Variants in TAOK3 observed in about 807,000 individuals in gnomAD.
The protein encoded by TAOK3 is TAO kinase 3.
In TAOK3, 40 loss-of-function variants were observed where a neutral mutation model predicts 120.4. The ratio of observed to expected loss-of-function variants is 0.33; its 90% CI spans 0.26 to 0.43. TAOK3 has a LOEUF of 0.43. Ranked by LOEUF, TAOK3 falls within the 20% of genes least tolerant of loss-of-function variation. The pLI, the probability that TAOK3 is intolerant of heterozygous loss-of-function variation, is 1.00. For synonymous variants in TAOK3, 355 were observed against 387.5 expected (o/e 0.92, Z 0.99); for missense variants, 821 against 1,112.1 (o/e 0.74, Z 3.72).
chr12:118,165,806 C>T (rs1323137802), intron 17 of TAOK3, among the ~76,000 whole-genome samples: 1 of 152,212 alleles, frequency 6.6e-6, no homozygotes, highest in Admixed American at 6.5e-5. Flanking sequence ...GAAGGGAATA[C>T]ATGGCATATA....
At chr12:118,334,411 A>G (rs543949802) in intron 1 of TAOK3, among the ~76,000 whole-genome samples, 1 of 152,204 alleles carries the variant, frequency 6.6e-6, no homozygotes, top group Non-Finnish European at 1.5e-5. Context: ...TAAGCTATCT[A>G]AAATAATCTA....
At chr12:118,235,785 C>T in intron 7 of TAOK3, 114 bp from the exon 8 acceptor site, 1 of 672,736 alleles carries the variant, frequency 1.5e-6, no homozygotes, top group South Asian at 2.0e-5. Flanking sequence ...AACAAACAAA[C>T]AAAACAAACC....
At chr12:118,278,670 T>C (rs1219413069) in intron 1 of TAOK3, among the ~76,000 whole-genome samples, 1 of 152,174 alleles carries the variant, frequency 6.6e-6, no homozygotes, top group Non-Finnish European at 1.5e-5. Context: ...AGTAATGGGA[T>C]TGCTAAGTCA....
intron 2 of TAOK3, among the ~76,000 whole-genome samples, chr12:118,260,972 C>T (rs192658251): frequency 1.9e-4 from 29 of 152,334 alleles, no homozygotes; most frequent in African/African-American, 6.7e-4. Context: ...TGAGCCACCA[C>T]ACCTGGCCCT....
At chr12:118,274,534 T>A (rs1458544360) in intron 1 of TAOK3, among the ~76,000 whole-genome samples, 1 of 152,202 alleles carries the variant, frequency 6.6e-6, no homozygotes, top group South Asian at 2.1e-4. Context: ...TGATTTCTTA[T>A]GGAGTATTAT....
intron 2 of TAOK3, among the ~76,000 whole-genome samples, chr12:118,256,246 T>C (rs1389073739): frequency 2.6e-5 from 4 of 152,162 alleles, no homozygotes; most frequent in Non-Finnish European, 5.9e-5. Flanking sequence ...ACTAGGATAG[T>C]GATAGTCAAA....
chr12:118,289,715 C>T (rs2042401899), intron 1 of TAOK3, among the ~76,000 whole-genome samples: 1 of 152,116 alleles, frequency 6.6e-6, no homozygotes, highest in Non-Finnish European at 1.5e-5. Flanking sequence ...ATGAACCTGG[C>T]CAGGCGTGGT....
At chr12:118,176,974 C>T (rs2036380398) in intron 16 of TAOK3, among the ~76,000 whole-genome samples, 1 of 152,042 alleles carries the variant, frequency 6.6e-6, no homozygotes, top group Non-Finnish European at 1.5e-5. Flanking sequence ...ACCATGTTGG[C>T]CAGGCTGGTC....
intron 1 of TAOK3, among the ~76,000 whole-genome samples, chr12:118,323,828 G>T (rs1319455020): frequency 6.6e-6 from 1 of 152,152 alleles, no homozygotes; most frequent in Admixed American, 6.6e-5. Context: ...CAGGGATCTT[G>T]TAGGGAGGTC....
chr12:118,166,355 G>A (rs1383262176), intron 17 of TAOK3, among the ~76,000 whole-genome samples: 3 of 151,940 alleles, frequency 2.0e-5, no homozygotes, highest in African/African-American at 7.3e-5. Context: ...CCTGGCCAAC[G>A]TGGTTAAACC....
At chr12:118,189,703 T>C in intron 14 of TAOK3, 104 bp downstream of exon 14, 6 of 1,396,660 alleles carry the variant, frequency 4.3e-6, no homozygotes, top group Non-Finnish European at 5.9e-6. Context: ...TCTTGACTCC[T>C]TTCCTCCCAT....
chr12:118,229,092 TCTTTTTTTTC>T (rs1257099803), intron 9 of TAOK3, among the ~76,000 whole-genome samples: 1 of 151,848 alleles, frequency 6.6e-6, no homozygotes, highest in Admixed American at 6.6e-5. Context: ...TTTGGCTTTT[TCTTTTTTTTC>T]CTTTTTTTTT....
Position 118,160,251 on chromosome 12 carries a change from C to A in TAOK3, c.2247G>T (p.Glu749Asp), listed in dbSNP as rs148661122. The part of the protein sequence containing the change: ...NHQLEVTPKN[E>D]HKTILKTLKD... ...TCAGTGTCTTTAAGATTGTTTTGTG[C>A]TCATTCTTTGGAGTAACTTCCAACT... Residue 749 changes from glutamate (E) to aspartate (D), a missense_variant, in exon 19 of 21, where the codon GAG becomes GAT. Physicochemically the swap from Glu to Asp is conservative, Grantham distance 45. Coordinates refer to ENST00000392533, the MANE Select transcript of TAOK3 (RefSeq NM_016281.4). The surrounding 1 kb of genome is among the most constrained non-coding windows in gnomAD (Gnocchi z 4.2). 8.7e-5 allele frequency: 140 copies of A among 1,614,150 alleles called. No homozygotes were observed. In the African/African-American group the frequency reaches 1.6e-3, roughly 19 times the overall value.
intron 14 of TAOK3, among the ~76,000 whole-genome samples, chr12:118,182,750 G>A (rs1237999435): frequency 6.7e-6 from 1 of 150,076 alleles, no homozygotes; most frequent in Non-Finnish European, 1.5e-5. Flanking sequence ...CTTAAATCAT[G>A]TCTCCCCCAT....
chr12:118,245,040 G>A, intron 3 of TAOK3, 75 bp from the exon 4 acceptor site: 1 of 963,562 alleles, frequency 1.0e-6, no homozygotes, highest in South Asian at 1.4e-5. Context: ...TATTTGACTA[G>A]AGACTATTTA....
chr12:118,298,025 C>CT (rs1214278728), intron 1 of TAOK3, among the ~76,000 whole-genome samples: 1 of 152,208 alleles, frequency 6.6e-6, no homozygotes, highest in Non-Finnish European at 1.5e-5. Flanking sequence ...AGTGATCCTT[C>CT]TGTCTTGGCC....
intron 2 of TAOK3, among the ~76,000 whole-genome samples, chr12:118,264,168 T>C (rs975661570): frequency 2.0e-5 from 3 of 152,220 alleles, no homozygotes; most frequent in South Asian, 2.1e-4. Context: ...TTGGAAAACA[T>C]TGGGCAGTTT....
At chr12:118,269,830 T>C (rs1593361545) in intron 1 of TAOK3, among the ~76,000 whole-genome samples, 2 of 152,224 alleles carry the variant, frequency 1.3e-5, no homozygotes, top group East Asian at 1.9e-4. Context: ...ATTGCATTGC[T>C]ATTGAAGCTG....
At chr12:118,267,070 G>A (rs747826316) in intron 1 of TAOK3, among the ~76,000 whole-genome samples, 3 of 152,116 alleles carry the variant, frequency 2.0e-5, no homozygotes, top group Non-Finnish European at 4.4e-5. Flanking sequence ...CTGACAGCAC[G>A]CGGTAATGCT....
Sources: allele counts gnomAD v4.1 joint callset (sites outside exome capture counted in the v4.1 genomes callset), GRCh38; gene constraint gnomAD v4.1.1; non-coding constraint Gnocchi (gnomAD v3.1); transcripts MANE v1.5; gene names NCBI Gene and HGNC (gene_info 2026-07-23, HGNC 2026-07-21).